Variants in SGK1 observed in about 807,000 individuals in gnomAD.
SGK1 encodes serum/glucocorticoid regulated kinase 1.
In SGK1, 26 loss-of-function variants were observed where a neutral mutation model predicts 64.2. The observed-to-expected ratio is 0.40, with a 90% CI of 0.30 to 0.56. The LOEUF (loss-of-function observed/expected upper bound fraction) is 0.56, where lower values mean the gene tolerates loss of function less well. SGK1 is among the 20% of genes least tolerant of loss of function. The pLI, the probability that SGK1 is intolerant of heterozygous loss-of-function variation, is 0.38. For synonymous variants in SGK1, 265 were observed against 239.7 expected (o/e 1.11, Z -0.98); for missense variants, 519 against 645.6 (o/e 0.80, Z 2.12).
At chr6:134,279,232 G>A (rs1452308477) in intron 1 of SGK1, among the ~76,000 whole-genome samples, 1 of 152,096 alleles carries the variant, frequency 6.6e-6, no homozygotes, top group Non-Finnish European at 1.5e-5. Flanking sequence ...AGGAGTTCAA[G>A]ACTAGCCTGG....
At position 134,172,742 on chromosome 6, in the gene SGK1, G is replaced by A; in HGVS notation, c.867C>T (p.Phe289=). ...CATAGAAACGAGCCCGTGGTTCCAG[G>A]AAGCAGCGTTCCCTCTGGAGATGGT... The part of the protein sequence containing the change: ...LFYHLQRERC[F]LEPRARFYAA... The change falls in exon 9 of 14, where the codon TTC becomes TTT. Residue 289 remains phenylalanine (F), a synonymous_variant. Transcript: ENST00000367858. 6.2e-7 allele frequency: 1 copy of A among 1,614,082 alleles called. No homozygotes were observed. Among genetic ancestry groups the A allele is most frequent in the Non-Finnish European group, 8.5e-7 (1 of 1,179,916 alleles).
intron 4 of SGK1, 65 bp downstream of exon 4, chr6:134,174,446 G>A (rs1775142640): frequency 2.5e-6 from 3 of 1,186,262 alleles, no homozygotes; most frequent in South Asian, 1.3e-5. Context: ...ACGCCGTGAT[G>A]AGAATGTTTA....
At position 134,170,233 on chromosome 6, in the gene SGK1, A is replaced by T; in HGVS notation, c.*35T>A. 6.5e-7 allele frequency: 1 copy of T among 1,548,444 alleles called. No individual in the cohort carries two copies. The highest frequency in any genetic ancestry group is 8.8e-7 in the Non-Finnish European group (1 of 1,136,568). On this transcript the variant is annotated 3_prime_UTR_variant, in exon 14 of 14. Coordinates refer to ENST00000367858, the MANE Select transcript of SGK1 (RefSeq NM_001143676.3). ...GGCTAACTAAAACATTCGGAAACACACATAAAATCCTTTAAAACCAAGCCC... is the reference window on the plus strand; with the variant it reads ...GGCTAACTAAAACATTCGGAAACACTCATAAAATCCTTTAAAACCAAGCCC...
intron 3 of SGK1, among the ~76,000 whole-genome samples, chr6:134,191,230 C>T (rs935217030): frequency 1.2e-4 from 19 of 152,154 alleles, no homozygotes; most frequent in Non-Finnish European, 4.4e-5. Flanking sequence ...GGGTATTTCA[C>T]CACTAGCCTC....
At chr6:134,259,714 G>C (rs1776735100) in intron 2 of SGK1, 1 of 152,152 alleles carries the variant, frequency 6.6e-6, no homozygotes, top group African/African-American at 2.4e-5. Context: ...TTTAGGCAAA[G>C]GCTAAAATAT....
At chr6:134,198,376 G>A (rs1389961096) in intron 3 of SGK1, among the ~76,000 whole-genome samples, 1 of 152,154 alleles carries the variant, frequency 6.6e-6, no homozygotes, top group East Asian at 1.9e-4. Context: ...AGCAGATGAT[G>A]TTTAACTTTT....
chr6:134,172,052 G>A, intron 10 of SGK1, 141 bp downstream of exon 10: 4 of 967,576 alleles, frequency 4.1e-6, no homozygotes, highest in Non-Finnish European at 6.3e-6. Context: ...ACATCAAACA[G>A]CAAATGTATT....
At chr6:134,304,389 C>A (rs911883391) in intron 1 of SGK1, among the ~76,000 whole-genome samples, 1 of 152,134 alleles carries the variant, frequency 6.6e-6, no homozygotes, top group African/African-American at 2.4e-5. Context: ...CGGATGCTCA[C>A]GCCTGCAATC....
chr6:134,308,143 AT>A (rs34678685), intron 1 of SGK1, among the ~76,000 whole-genome samples: 10 of 152,008 alleles, frequency 6.6e-5, no homozygotes, highest in Admixed American at 2.0e-4. Flanking sequence ...TTTTCCTGTA[AT>A]TTTTTTTACA....
At chr6:134,239,995 C>A (rs1450022030) in intron 2 of SGK1, among the ~76,000 whole-genome samples, 1 of 151,976 alleles carries the variant, frequency 6.6e-6, no homozygotes, top group East Asian at 1.9e-4. Context: ...AAGCCCTAGT[C>A]AGGAGGGAAC....
chr6:134,265,819 A>T (rs1776846795), intron 1 of SGK1, among the ~76,000 whole-genome samples: 1 of 151,118 alleles, frequency 6.6e-6, no homozygotes, highest in Admixed American at 6.6e-5. Flanking sequence ...ACATTTCTTT[A>T]AAAAATAGAG....
intron 1 of SGK1, among the ~76,000 whole-genome samples, chr6:134,284,181 C>T (rs186443682): frequency 6.6e-6 from 1 of 152,284 alleles, no homozygotes; most frequent in East Asian, 1.9e-4. Flanking sequence ...CAACCTCTGC[C>T]TCCCAGGTTC....
intron 3 of SGK1, among the ~76,000 whole-genome samples, chr6:134,189,835 G>GT (rs35417693): frequency 0.37 from 56,757 of 151,730 alleles, 12,486 homozygotes; most frequent in Non-Finnish European, 0.51. Flanking sequence ...TGTAAGTACT[G>GT]TTTTTTTTGG....
At chr6:134,234,070 A>C (rs1375292128) in intron 2 of SGK1, among the ~76,000 whole-genome samples, 1 of 152,206 alleles carries the variant, frequency 6.6e-6, no homozygotes, top group Non-Finnish European at 1.5e-5. Flanking sequence ...TTTAAGCAAG[A>C]AAAAATTGTT....
At chr6:134,192,888 T>C (rs1775537899) in intron 3 of SGK1, among the ~76,000 whole-genome samples, 2 of 152,156 alleles carry the variant, frequency 1.3e-5, no homozygotes, top group Admixed American at 1.3e-4. Flanking sequence ...CCTTATTTCC[T>C]ACCCTTCACC....
chr6:134,261,598 A>G, intron 2 of SGK1: 1 of 551,078 alleles, frequency 1.8e-6, no homozygotes, highest in Non-Finnish European at 3.2e-6. Context: ...AAACCCATAG[A>G]ATGTATAACA....
At chr6:134,223,459 A>G (rs1006777085) in intron 2 of SGK1, among the ~76,000 whole-genome samples, 1 of 152,102 alleles carries the variant, frequency 6.6e-6, no homozygotes, top group Non-Finnish European at 1.5e-5. Flanking sequence ...TGGGGAAAAG[A>G]GAAATGTTGT....
At chr6:134,270,769 T>C (rs927055479) in intron 1 of SGK1, among the ~76,000 whole-genome samples, 1 of 147,956 alleles carries the variant, frequency 6.8e-6, no homozygotes, top group Admixed American at 6.9e-5. Flanking sequence ...AATGCGTCCA[T>C]GTACCCTATT....
At chr6:134,226,308 T>C (rs1161956842) in intron 2 of SGK1, among the ~76,000 whole-genome samples, 2 of 152,130 alleles carry the variant, frequency 1.3e-5, no homozygotes, top group African/African-American at 4.8e-5. Flanking sequence ...CAAAAGTTTA[T>C]AGCAACCAAG....
Sources: gnomAD v4.1 joint callset for allele counts (sites outside exome capture counted in the v4.1 genomes callset) on GRCh38, gnomAD v4.1.1 for gene constraint, MANE v1.5 for transcripts, NCBI Gene and HGNC (gene_info 2026-07-23, HGNC 2026-07-21) for gene names.